TNS3: variants seen among roughly 807,000 people sequenced by gnomAD.
TNS3 encodes tensin 3.
TNS3 carries 45 observed loss-of-function variants against 140.9 expected under a neutral mutation model. The ratio of observed to expected loss-of-function variants is 0.32; its 90% CI spans 0.25 to 0.41. The LOEUF (loss-of-function observed/expected upper bound fraction) is 0.41. Ranked by LOEUF, TNS3 falls within the 10% of genes least tolerant of loss-of-function variation. The pLI is 1.00. For synonymous variants in TNS3, 815 were observed against 788.4 expected (o/e 1.03, Z -0.56); for missense variants, 1,716 against 1,906.7 (o/e 0.90, Z 1.86).
intron 16 of TNS3, among the ~76,000 whole-genome samples, chr7:47,395,669 C>T (rs920305491): frequency 6.6e-6 from 1 of 152,202 alleles, no homozygotes; most frequent in South Asian, 2.1e-4. Flanking sequence ...ATAATTCACA[C>T]CAGCAAAGAA....
chr7:47,370,242 C>T (rs1043973404), intron 16 of TNS3, among the ~76,000 whole-genome samples: 14 of 151,942 alleles, frequency 9.2e-5, no homozygotes, highest in Non-Finnish European at 1.5e-5. Flanking sequence ...TGCCACTGCA[C>T]TCACTCCAGC....
At position 47,361,174 on chromosome 7, in the gene TNS3, T is replaced by A. The variant is rs144194325; in HGVS notation, c.2281+7191A>T. Among the ~76,000 whole-genome samples, 35 of 121,138 alleles carry A rather than the reference T, an allele frequency of 2.9e-4. No individual in the cohort carries two copies. The East Asian group carries it at 6.9e-3, about 24-fold the overall frequency. 79.5% of individuals were successfully genotyped at this position (121,138 alleles called of 152,430 possible). A position where few individuals can be genotyped will look rare whatever the true frequency, so the allele number is the denominator to read the frequency against. ...TCCCAGGCTCAGTGCACCTTCTCAG[T>A]GCCTTCTCTTCTGGTAAGACAGTAA... On this transcript the variant is annotated intron_variant, in intron 17 of 30. Transcript: ENST00000311160.
rs563865977 is a variant in TNS3, at chr7:47,369,206, G to A, written c.1440C>T (p.Asp480=). 18 of 1,614,048 alleles carry A rather than the reference G, an allele frequency of 1.1e-5. No individual in the cohort carries two copies. Among genetic ancestry groups the A allele is most frequent in the Admixed American group, 6.7e-5 (4 of 60,014 alleles). The change falls in exon 17 of 31, where the codon GAC becomes GAT. Residue 480 remains aspartate, a synonymous_variant. Coordinates refer to ENST00000311160, the MANE Select transcript of TNS3 (RefSeq NM_022748.12). The part of the protein sequence containing the change: ...LKDRETDILD[D]EMPHHDLHSV... Reference sequence around the variant, plus strand: ...TGTGCAGGTCGTGGTGGGGCATCTCGTCATCCAGAATGTCTGTCTCCCGAT... The same window carrying A: ...TGTGCAGGTCGTGGTGGGGCATCTCATCATCCAGAATGTCTGTCTCCCGAT...
rs368762573 is a variant in TNS3, at chr7:47,539,868, C to T, written c.-264-10721G>A. On this transcript the variant is annotated intron_variant, in intron 1 of 30. Coordinates refer to ENST00000311160, the MANE Select transcript of TNS3 (RefSeq NM_022748.12). ...TGCTGTATTTCCACCACATCAACAC[C>T]GGTGTTCACTGCCTGTCTCAGACCA... 1.4e-3 allele frequency among the ~76,000 whole-genome samples: 214 copies of T among 152,092 alleles called. 1 individual carries two copies. The highest frequency in any genetic ancestry group is 4.9e-3 in the African/African-American group (203 of 41,530).
chr7:47,402,061 G>C (rs1027367501), intron 13 of TNS3, among the ~76,000 whole-genome samples: 1 of 152,122 alleles, frequency 6.6e-6, no homozygotes, highest in African/African-American at 2.4e-5. Context: ...GGTATGATCC[G>C]GACCAGCATG....
chr7:47,575,822 C>CAAAA lies in TNS3; in HGVS notation c.-265+6225_-265+6228dup, dbSNP rs10553927. Among the ~76,000 whole-genome samples, 9 of 68,318 alleles carry CAAAA rather than the reference C, an allele frequency of 1.3e-4. 1 individual carries two copies. The highest frequency in any genetic ancestry group is 5.4e-4 in the African/African-American group (9 of 16,672). The allele number at this position is 68,318 out of a possible 152,430, so 44.8% of individuals were successfully genotyped here. A position where few individuals can be genotyped will look rare whatever the true frequency, so the allele number is the denominator to read the frequency against. On this transcript the variant is annotated intron_variant, in intron 1 of 30. Transcript: ENST00000311160. ...TGGGTGACAGAGTGAGACTCTGCCT[C>CAAAA]AAAAAAAAAAAAAAAAAAAAAAAGC...
At chr7:47,474,632 ACACAACACACAC>A (rs1462031753) in intron 4 of TNS3, among the ~76,000 whole-genome samples, 3 of 149,762 alleles carry the variant, frequency 2.0e-5, no homozygotes, top group African/African-American at 7.4e-5. Flanking sequence ...AACACTTCAC[ACACAACACACAC>A]CACAACACAC....
At chr7:47,389,085 A>G (rs575259867) in intron 16 of TNS3, among the ~76,000 whole-genome samples, 1 of 69,292 alleles carries the variant, frequency 1.4e-5, no homozygotes, top group African/African-American at 7.7e-5. Flanking sequence ...GAAGAAGAAG[A>G]GGAAGAGGAA....
chr7:47,407,670 G>A lies in TNS3; in HGVS notation c.723+4057C>T, dbSNP rs914366047. On this transcript the variant is annotated intron_variant, in intron 13 of 30. Transcript: ENST00000311160. The surrounding 1 kb of genome is among the most constrained non-coding windows in gnomAD (Gnocchi z 4.1). ...AGCATAGGGCTGTGTTTGGAGATGGGGTCTTCACAAAGGTAAATTAAAATG... is the reference window on the plus strand; with the variant it reads ...AGCATAGGGCTGTGTTTGGAGATGGAGTCTTCACAAAGGTAAATTAAAATG... 2.0e-5 allele frequency among the ~76,000 whole-genome samples: 3 copies of A among 152,198 alleles called. No individual in the cohort carries two copies. Among genetic ancestry groups the A allele is most frequent in the Admixed American group, 1.3e-4 (2 of 15,282 alleles).
intron 20 of TNS3, among the ~76,000 whole-genome samples, chr7:47,312,087 T>C (rs575712233): frequency 1.1e-4 from 17 of 152,260 alleles, no homozygotes; most frequent in African/African-American, 4.1e-4. Flanking sequence ...CAACTGTAAA[T>C]ACCATGACCA....
intron 30 of TNS3, chr7:47,278,534 G>A (rs885519): frequency 0.23 from 59,196 of 256,184 alleles, 8,009 homozygotes; most frequent in East Asian, 0.52. Context: ...GCTTCCCCAC[G>A]CCAGGGCCAG....
At chr7:47,416,764 T>C (rs1294488581) in intron 10 of TNS3, among the ~76,000 whole-genome samples, 1 of 152,216 alleles carries the variant, frequency 6.6e-6, no homozygotes, top group African/African-American at 2.4e-5. Context: ...AATGCATGAA[T>C]TGTATATGTT....
intron 1 of TNS3, among the ~76,000 whole-genome samples, chr7:47,575,525 CA>C (rs1184466155): frequency 6.6e-6 from 1 of 152,042 alleles, no homozygotes; most frequent in Non-Finnish European, 1.5e-5. Context: ...AATTAAGAAG[CA>C]AAGATACGGC....
chr7:47,398,694 T>G (rs1426615582), intron 15 of TNS3, among the ~76,000 whole-genome samples: 2 of 152,136 alleles, frequency 1.3e-5, no homozygotes, highest in Non-Finnish European at 2.9e-5. Flanking sequence ...AAGCCATGTA[T>G]GACAAACCCA....
intron 1 of TNS3, among the ~76,000 whole-genome samples, chr7:47,570,053 G>A (rs1276952350): frequency 6.6e-6 from 1 of 152,198 alleles, no homozygotes; most frequent in Non-Finnish European, 1.5e-5. Flanking sequence ...GGGAGGCTGA[G>A]GCAGGAGAAT....
intron 3 of TNS3, among the ~76,000 whole-genome samples, chr7:47,484,437 C>A (rs1001576709): frequency 5.9e-5 from 9 of 152,224 alleles, no homozygotes; most frequent in Non-Finnish European, 1.0e-4. Flanking sequence ...TTCCGTCACA[C>A]TTTTCCTCCC....
At position 47,470,706 on chromosome 7, in the gene TNS3, G is replaced by A. The variant is rs1289068131; in HGVS notation, c.-76+10397C>T. 4.2e-6 allele frequency: 4 copies of A among 963,696 alleles called. No individual in the cohort carries two copies. In the African/African-American group the frequency reaches 7.0e-5, roughly 17 times the overall value. 59.7% of individuals were successfully genotyped at this position (963,696 alleles called of 1,614,324 possible). ...AGTGTCTGTGAGCCACACACCTGCA[G>A]CCCAGGCCTCCTAGCCGGAGTGGGT... is the stretch of plus-strand genomic sequence containing the variant. On this transcript the variant is annotated intron_variant, in intron 4 of 30. Coordinates refer to ENST00000311160, the MANE Select transcript of TNS3 (RefSeq NM_022748.12).
At chr7:47,384,187 G>A (rs766870003) in intron 16 of TNS3, among the ~76,000 whole-genome samples, 11 of 152,228 alleles carry the variant, frequency 7.2e-5, no homozygotes, top group Non-Finnish European at 1.6e-4. Context: ...CACTGAGCCT[G>A]TGTGATCCCT....
chr7:47,367,672 C>T (rs1247424727), intron 17 of TNS3, among the ~76,000 whole-genome samples: 2 of 152,156 alleles, frequency 1.3e-5, no homozygotes, highest in African/African-American at 2.4e-5. Context: ...CTTTGGGTCC[C>T]ACCACAGCTC....
Sources: allele counts gnomAD v4.1 joint callset (sites outside exome capture counted in the v4.1 genomes callset), GRCh38; gene constraint gnomAD v4.1.1; non-coding constraint Gnocchi (gnomAD v3.1); transcripts MANE v1.5; gene names NCBI Gene and HGNC (gene_info 2026-07-23, HGNC 2026-07-21).